Variants in SPRED2 observed in about 807,000 individuals in gnomAD.
SPRED2 encodes sprouty related EVH1 domain containing 2.
In SPRED2, 47 loss-of-function variants were observed where a neutral mutation model predicts 43.0. That is an observed-to-expected ratio of 1.09 (90% confidence interval 0.87 to 1.40). SPRED2 has a LOEUF of 1.40. Ranked by LOEUF, SPRED2 falls within the 40% of genes most tolerant of loss-of-function variation. SPRED2 has a pLI of 0.00. For missense variants in SPRED2, 561 were observed against 586.4 expected, an observed-to-expected ratio of 0.96 and a Z score of 0.45; for synonymous variants, 225 against 225.7, an observed-to-expected ratio of 1.00 and a Z score of 0.03.
At chr2:65,425,152 A>G (rs1251752902) in intron 1 of SPRED2, among the ~76,000 whole-genome samples, 1 of 152,270 alleles carries the variant, frequency 6.6e-6, no homozygotes, top group Non-Finnish European at 1.5e-5. Flanking sequence ...AGTCAATTAA[A>G]AACTTAACTG....
At chr2:65,318,533 C>T (rs1469643989) in intron 4 of SPRED2, among the ~76,000 whole-genome samples, 3 of 151,776 alleles carry the variant, frequency 2.0e-5, no homozygotes, top group Non-Finnish European at 4.4e-5. Flanking sequence ...CATTCCCCAA[C>T]TAAACAGATG....
chr2:65,356,012 G>C (rs1447627371), intron 1 of SPRED2, among the ~76,000 whole-genome samples: 1 of 152,092 alleles, frequency 6.6e-6, no homozygotes, highest in East Asian at 1.9e-4. Flanking sequence ...AGAAAAATTG[G>C]TACTTCAAAA....
At chr2:65,347,567 G>A (rs1468059428) in intron 1 of SPRED2, among the ~76,000 whole-genome samples, 2 of 151,940 alleles carry the variant, frequency 1.3e-5, no homozygotes, top group Non-Finnish European at 2.9e-5. Flanking sequence ...CCATGCCTAC[G>A]CTTTGTACCA....
rs1336189848 is a variant in SPRED2 at position 65,366,304 on chromosome 2, A to AC, written c.27-21409_27-21408insG. Among the ~76,000 whole-genome samples, 119 of 135,294 alleles carry AC rather than the reference A, an allele frequency of 8.8e-4. No individual in the cohort carries two copies. The East Asian group carries it at 0.011, about 12-fold the overall frequency. The allele number at this position is 135,294 out of a possible 152,430, so 88.8% of individuals were successfully genotyped here. ...TTTTAGATTCAGGACTTAATAATAA[A>AC]AAACAACAACAACAACAACAAAACA... On this transcript the variant is annotated intron_variant, in intron 1 of 5. Coordinates refer to ENST00000356388, the MANE Select transcript of SPRED2 (RefSeq NM_181784.3).
intron 1 of SPRED2, among the ~76,000 whole-genome samples, chr2:65,418,162 C>T (rs1676332572): frequency 6.6e-6 from 1 of 152,236 alleles, no homozygotes; most frequent in Non-Finnish European, 1.5e-5. Flanking sequence ...CACTCTCTAA[C>T]TAATCTGTTT....
rs572242491 is a variant in SPRED2 at position 65,316,821 on chromosome 2, G to A, written c.501C>T (p.Ser167=). The change falls in exon 5 of 6, where the codon TCC becomes TCT. Residue 167 remains serine (S), a synonymous_variant. Coordinates refer to ENST00000356388, the MANE Select transcript of SPRED2 (RefSeq NM_181784.3). ...TCCGGTGCTCACAGGATGTGGGAGA[G>A]GAGATTGTCCGAGTAGGTTGCTCTC... is the stretch of plus-strand genomic sequence containing the variant. The part of the protein sequence containing the change: ...QKREQPTRTI[S]SPTSCEHRRI... 3.7e-6 allele frequency: 6 copies of A among 1,613,860 alleles called. No individual in the cohort carries two copies. In the African/African-American group the frequency reaches 4.0e-5, roughly 11 times the overall value.
At chr2:65,374,712 A>T (rs953748412) in intron 1 of SPRED2, among the ~76,000 whole-genome samples, 4 of 152,264 alleles carry the variant, frequency 2.6e-5, no homozygotes, top group Admixed American at 2.0e-4. Context: ...CTCTAACAGA[A>T]ATTTTAAAAA....
intron 1 of SPRED2, among the ~76,000 whole-genome samples, chr2:65,429,857 G>C (rs1676638434): frequency 1.3e-5 from 2 of 152,180 alleles, no homozygotes; most frequent in African/African-American, 4.8e-5. Flanking sequence ...GGAGGCTACG[G>C]CTTCATGCTG....
intron 1 of SPRED2, among the ~76,000 whole-genome samples, chr2:65,430,808 A>T (rs1676663842): frequency 6.6e-6 from 1 of 151,900 alleles, no homozygotes; most frequent in Admixed American, 6.6e-5. Flanking sequence ...GGATTTATGA[A>T]TGTGCAGGGG....
At chr2:65,419,189 C>G (rs912735578) in intron 1 of SPRED2, among the ~76,000 whole-genome samples, 7 of 152,142 alleles carry the variant, frequency 4.6e-5, no homozygotes, top group Admixed American at 3.9e-4. Flanking sequence ...AGTGTATCCT[C>G]TTTTCCACTT....
intron 1 of SPRED2, among the ~76,000 whole-genome samples, chr2:65,371,088 C>T (rs17534153): frequency 0.11 from 16,717 of 152,150 alleles, 1,372 homozygotes; most frequent in Non-Finnish European, 0.16. Flanking sequence ...TGTCGCTGCC[C>T]GTAAGAGCTC....
intron 1 of SPRED2, among the ~76,000 whole-genome samples, chr2:65,383,224 G>T (rs373562364): frequency 8.5e-5 from 13 of 152,316 alleles, no homozygotes; most frequent in African/African-American, 3.1e-4. Context: ...AACCATACTT[G>T]TCTATCAGGT....
chr2:65,383,759 C>A (rs1029304137), intron 1 of SPRED2, among the ~76,000 whole-genome samples: 3 of 152,178 alleles, frequency 2.0e-5, no homozygotes, highest in African/African-American at 7.2e-5. Flanking sequence ...ACAGGAAATA[C>A]TTCTATAGAG....
intron 1 of SPRED2, among the ~76,000 whole-genome samples, chr2:65,396,147 C>A (rs1207348520): frequency 6.6e-6 from 1 of 152,122 alleles, no homozygotes; most frequent in African/African-American, 2.4e-5. Flanking sequence ...GTGGGTGAGG[C>A]CTCAGTCAAG....
At chr2:65,329,136 G>A (rs965442624) in intron 4 of SPRED2, among the ~76,000 whole-genome samples, 7 of 152,156 alleles carry the variant, frequency 4.6e-5, no homozygotes, top group Non-Finnish European at 7.3e-5. Flanking sequence ...ACACAACTGC[G>A]CTGAGTTCCA....
At chr2:65,307,952 C>T (rs866134687), downstream of SPRED2, among the ~76,000 whole-genome samples, 9 of 152,246 alleles carry the variant, frequency 5.9e-5, no homozygotes, top group African/African-American at 1.7e-4. Flanking sequence ...CACCCCCCGC[C>T]CCCCCCATTC....
chr2:65,390,092 A>C (rs902468112), intron 1 of SPRED2, among the ~76,000 whole-genome samples: 2 of 152,202 alleles, frequency 1.3e-5, no homozygotes, highest in African/African-American at 4.8e-5. Context: ...ACCCTCACGG[A>C]AGCTTGTGAC....
Position 65,311,652 on chromosome 2 carries a change from T to C in SPRED2, c.*1849A>G. 1.0e-6 allele frequency: 1 copy of C among 985,758 alleles called. No individual in the cohort carries two copies. Among genetic ancestry groups the C allele is most frequent in the Non-Finnish European group, 1.2e-6 (1 of 829,948 alleles). The allele number at this position is 985,758 out of a possible 1,614,324, so 61.1% of individuals were successfully genotyped here. ...TCCAGGCATGGATGAGGTTCTCTTT[T>C]CTTCCATCAATCCAGATGGACAGCT... is the stretch of plus-strand genomic sequence containing the variant. On this transcript the variant is annotated 3_prime_UTR_variant, in exon 6 of 6. Coordinates refer to ENST00000356388, the MANE Select transcript of SPRED2 (RefSeq NM_181784.3).
chr2:65,368,342 T>C (rs1675037564), intron 1 of SPRED2, among the ~76,000 whole-genome samples: 1 of 152,244 alleles, frequency 6.6e-6, no homozygotes, highest in Non-Finnish European at 1.5e-5. Context: ...TCCTTGGCTT[T>C]GACAATTCTT....
Sources: gnomAD v4.1 joint callset for allele counts (sites outside exome capture counted in the v4.1 genomes callset) on GRCh38, gnomAD v4.1.1 for gene constraint, MANE v1.5 for transcripts, NCBI Gene and HGNC (gene_info 2026-07-23, HGNC 2026-07-21) for gene names.